YME1L1: variants seen among roughly 807,000 people sequenced by gnomAD.
YME1L1 encodes ATP-dependent zinc metalloprotease YME1L1.
A neutral mutation model predicts 90.4 loss-of-function variants in YME1L1; 39 were observed. The observed-to-expected ratio is 0.43, with a 90% CI of 0.33 to 0.56. The LOEUF (loss-of-function observed/expected upper bound fraction) is 0.56. Among genes scored for constraint, YME1L1 ranks in the 20% least tolerant of loss-of-function variants. The probability of loss-of-function intolerance (pLI) is 0.03; values close to 1 mark genes in which losing one functional copy is unlikely to be tolerated. For synonymous variants in YME1L1, 284 were observed against 287.3 expected (o/e 0.99, Z 0.12); for missense variants, 617 against 868.4 (o/e 0.71, Z 3.64).
intron 1 of YME1L1, among the ~76,000 whole-genome samples, chr10:27,149,373 G>A (rs1193609265): frequency 6.6e-6 from 1 of 152,142 alleles, no homozygotes. Flanking sequence ...TTAAAAAATA[G>A]TAGAAAGCTG....
chr10:27,129,632 G>A (rs1488136001), intron 8 of YME1L1, among the ~76,000 whole-genome samples: 1 of 152,018 alleles, frequency 6.6e-6, no homozygotes, highest in African/African-American at 2.4e-5. Context: ...GAAATCAAAT[G>A]TAATAGAGCA....
At chr10:27,149,255 AATAC>A (rs1467394142) in intron 1 of YME1L1, among the ~76,000 whole-genome samples, 3 of 152,334 alleles carry the variant, frequency 2.0e-5, no homozygotes, top group East Asian at 1.9e-4. Context: ...AAGTATCAAA[AATAC>A]ATACATTTCT....
In YME1L1 at chr10:27,122,936, A is replaced by T; in HGVS notation, c.1140T>A (p.Ile380=). The T allele has an allele frequency of 6.2e-7, 1 of 1,613,440 alleles. No homozygotes were observed. The highest frequency in any genetic ancestry group is 8.5e-7 in the Non-Finnish European group (1 of 1,179,722). Residue 380 remains isoleucine, a synonymous_variant, in exon 11 of 19, where the codon ATT becomes ATA. Transcript: ENST00000376016. ...AKANAPCVIF[I]DELDSVGGKR... ...TCCCACCAACAGAATCTAATTCATC[A>T]ATAAATATAACACAAGGAGCATTCG...
chr10:27,126,285 A>G (rs1478199897), intron 9 of YME1L1, among the ~76,000 whole-genome samples: 1 of 152,084 alleles, frequency 6.6e-6, no homozygotes, highest in Non-Finnish European at 1.5e-5. Flanking sequence ...TCTACAAAAA[A>G]TACAAAAATT....
chr10:27,139,715 ACAATTGTCCATTT>A (rs1193768601), intron 4 of YME1L1, among the ~76,000 whole-genome samples: 2 of 152,160 alleles, frequency 1.3e-5, no homozygotes, highest in African/African-American at 4.8e-5. Flanking sequence ...AATTGCTTAG[ACAATTGTCCATTT>A]CAACATATTT....
chr10:27,135,715 G>C (rs2057020632), intron 5 of YME1L1, among the ~76,000 whole-genome samples: 1 of 152,156 alleles, frequency 6.6e-6, no homozygotes, highest in Non-Finnish European at 1.5e-5. Flanking sequence ...ATCAAATGAT[G>C]AAATTCCCAG....
At chr10:27,148,225 G>C (rs1054911879) in intron 2 of YME1L1, among the ~76,000 whole-genome samples, 1 of 141,030 alleles carries the variant, frequency 7.1e-6, no homozygotes, top group African/African-American at 2.7e-5. Context: ...TTATTTTTGA[G>C]ACAGAGTCTT....
chr10:27,118,191 AC>A (rs1277706619), intron 14 of YME1L1, among the ~76,000 whole-genome samples: 1 of 152,154 alleles, frequency 6.6e-6, no homozygotes, highest in African/African-American at 2.4e-5. Context: ...GCTCACTCCA[AC>A]CTTGAACTCT....
At chr10:27,113,379 AC>A (rs1227645588) in intron 18 of YME1L1, among the ~76,000 whole-genome samples, 3 of 151,482 alleles carry the variant, frequency 2.0e-5, no homozygotes, top group Non-Finnish European at 4.4e-5. Flanking sequence ...CATACATAAT[AC>A]TGAAATTGGG....
chr10:27,119,425 C>T lies in YME1L1; in HGVS notation c.1436G>A (p.Arg479Gln). The change falls in exon 14 of 19, where the codon CGA (arginine) becomes CAA (glutamine). Residue 479 changes from arginine (R) to glutamine (Q), a missense_variant. Transcript: ENST00000376016. ...TGCTCCGGAAAAGCCAACAGTACCT[C>T]GAGCTATAATTTCTGGATCAACGGC... Reference protein sequence around the residue: ...DQSVDPEIIARGTVGFSGAEL... With the variant: ...DQSVDPEIIAQGTVGFSGAEL... The T allele has an allele frequency of 3.1e-6, 5 of 1,610,942 alleles. No individual in the cohort carries two copies. Among genetic ancestry groups the T allele is most frequent in the Non-Finnish European group, 4.2e-6 (5 of 1,178,922 alleles).
At chr10:27,152,821 G>A (rs1374541016) in intron 1 of YME1L1, among the ~76,000 whole-genome samples, 1 of 151,520 alleles carries the variant, frequency 6.6e-6, no homozygotes, top group East Asian at 1.9e-4. Flanking sequence ...TGGGGGGTGG[G>A]TGGGTATTTT....
At position 27,145,289 on chromosome 10, in the gene YME1L1, CA is replaced by C. The variant is rs57762952; in HGVS notation, c.331+138del. 58,216 of 485,472 alleles carry C rather than the reference CA, an allele frequency of 0.12. 2,271 individuals carry two copies. Among genetic ancestry groups the C allele is most frequent in the African/African-American group, 0.33 (13,311 of 39,772 alleles). The allele number at this position is 485,472 out of a possible 1,614,324, so 30.1% of individuals were successfully genotyped here. ...GGTACTATTTCAATATGAAAAATTGCAAAAAAAAAAACAAAAAAAAAACACT... is the reference window on the plus strand; with the variant it reads ...GGTACTATTTCAATATGAAAAATTGCAAAAAAAAAACAAAAAAAAAACACT... On this transcript the variant is annotated intron_variant, in intron 3 of 18. Coordinates refer to ENST00000376016, the MANE Select transcript of YME1L1 (RefSeq NM_014263.4).
At chr10:27,147,700 T>C in intron 2 of YME1L1, 3 of 1,550,044 alleles carry the variant, frequency 1.9e-6, no homozygotes, top group Non-Finnish European at 2.6e-6. Flanking sequence ...TTCCTGGTTG[T>C]GGTATGCTCA....
chr10:27,137,291 G>T (rs183059815), intron 4 of YME1L1, among the ~76,000 whole-genome samples: 15 of 152,038 alleles, frequency 9.9e-5, no homozygotes, highest in African/African-American at 2.7e-4. Flanking sequence ...TTCATTTTTC[G>T]TGCATATTTT....
intron 4 of YME1L1, among the ~76,000 whole-genome samples, chr10:27,139,128 AAC>A (rs2057059028): frequency 6.6e-6 from 1 of 152,090 alleles, no homozygotes. Flanking sequence ...TGTTAAGTGA[AAC>A]ACATCTATTT....
intron 8 of YME1L1, among the ~76,000 whole-genome samples, chr10:27,129,638 G>A (rs1380292841): frequency 6.6e-6 from 1 of 151,956 alleles, no homozygotes; most frequent in Non-Finnish European, 1.5e-5. Context: ...AAATGTAATA[G>A]AGCAGATATA....
chr10:27,150,503 T>C (rs907145329), intron 1 of YME1L1, among the ~76,000 whole-genome samples: 26 of 152,156 alleles, frequency 1.7e-4, no homozygotes, highest in Non-Finnish European at 5.9e-5. Flanking sequence ...GGGCACAAGA[T>C]ACAGGTCATA....
intron 18 of YME1L1, among the ~76,000 whole-genome samples, chr10:27,112,484 T>G (rs2056768458): frequency 6.6e-6 from 1 of 152,188 alleles, no homozygotes; most frequent in East Asian, 1.9e-4. Context: ...CAAGTGCTAT[T>G]TGTTCATGTT....
At chr10:27,125,347 A>G (rs2056905737) in intron 9 of YME1L1, among the ~76,000 whole-genome samples, 1 of 151,766 alleles carries the variant, frequency 6.6e-6, no homozygotes, top group South Asian at 2.1e-4. Context: ...TAAACTGAGA[A>G]CATTCTATAA....
Sources: allele counts gnomAD v4.1 joint callset (sites outside exome capture counted in the v4.1 genomes callset), GRCh38; gene constraint gnomAD v4.1.1; transcripts MANE v1.5; gene names NCBI Gene and HGNC (gene_info 2026-07-23, HGNC 2026-07-21).